The following UNCX variants were observed in gnomAD, a reference collection of about 807,000 sequenced individuals.
UNCX encodes the protein homeobox protein unc-4 homolog.
Under a neutral mutation model 14.8 loss-of-function variants are expected in UNCX, and 4 were observed. The ratio of observed to expected loss-of-function variants is 0.27; its 90% confidence interval spans 0.13 to 0.62. The LOEUF is 0.62. UNCX is among the 20% of genes least tolerant of loss of function. The pLI, the probability that UNCX is intolerant of heterozygous loss-of-function variation, is 0.86. For missense variants in UNCX, 749 were observed against 786.8 expected, an observed-to-expected ratio of 0.95 and a Z score of 0.58; for synonymous variants, 459 against 395.8, an observed-to-expected ratio of 1.16 and a Z score of -1.90.
In UNCX at chr7:1,236,706, G is replaced by A. The variant is rs1251290996; in HGVS notation, c.1325G>A (p.Arg442His). The A allele has an allele frequency of 1.0e-6, 1 of 998,144 alleles. No individual in the cohort carries two copies. Among genetic ancestry groups the A allele is most frequent in the East Asian group, 1.1e-4 (1 of 9,344 alleles). The allele number at this position is 998,144 out of a possible 1,614,324, so 61.8% of individuals were successfully genotyped here. A position where few individuals can be genotyped will look rare whatever the true frequency, so the allele number is the denominator to read the frequency against. ...GCCCCGGACTCGGCCTTCGCGCGTC[G>A]CAGCCCCGACGCCGTCGCCTCCCCG... Reference protein sequence around the residue: ...GGAPDSAFARRSPDAVASPGA... With the variant: ...GGAPDSAFARHSPDAVASPGA... Residue 442 changes from arginine to histidine, a missense_variant, in exon 3 of 3, where the codon CGC becomes CAC. Arg to His is a conservative substitution (Grantham distance 29). Coordinates refer to ENST00000316333, the MANE Select transcript of UNCX (RefSeq NM_001080461.3). This position sits in a 1 kb window ranked among gnomAD's most constrained non-coding sequence, Gnocchi z 6.9.
chr7:1,235,760 G>A (rs1457188331), intron 2 of UNCX, 72 bp from the exon 3 acceptor site: 1 of 1,410,824 alleles, frequency 7.1e-7, no homozygotes, highest in African/African-American at 1.4e-5. Flanking sequence ...GGGGGGAGCG[G>A]GGAGGTCCTC....
In UNCX at chr7:1,233,422, C is replaced by CCG. The variant is rs1554251746; in HGVS notation, c.275-97_275-96insGC. On this transcript the variant is annotated intron_variant, in intron 1 of 2. Coordinates refer to ENST00000316333, the MANE Select transcript of UNCX (RefSeq NM_001080461.3). The surrounding 1 kb of genome is among the most constrained non-coding windows in gnomAD (Gnocchi z 5.3). ...CTAGGCGGCCGTCTCTGCGCCCCCC[C>CCG]CCCCGGATCCAGGCGGCCAGCGGGT... 43 of 1,378,392 alleles carry CCG rather than the reference C, an allele frequency of 3.1e-5. 1 individual carries two copies. Among genetic ancestry groups the CCG allele is most frequent in the Middle Eastern group, 5.3e-4 (2 of 3,768 alleles). 85.4% of individuals were successfully genotyped at this position (1,378,392 alleles called of 1,614,324 possible).
chr7:1,234,075 GA>G (rs1243120964), intron 2 of UNCX, among the ~76,000 whole-genome samples: 1 of 144,020 alleles, frequency 6.9e-6, no homozygotes, highest in East Asian at 2.4e-4. Flanking sequence ...GAGGGAAGGG[GA>G]CCCCCCCCCG....
rs1778679028 is a variant in UNCX, at chr7:1,233,275, G to A, written c.258G>A (p.Gln86=). The change falls in exon 1 of 3, where the codon CAG becomes CAA. Residue 86 remains glutamine (Q), a synonymous_variant. Coordinates refer to ENST00000316333, the MANE Select transcript of UNCX (RefSeq NM_001080461.3). The surrounding 1 kb of genome is among the most constrained non-coding windows in gnomAD (Gnocchi z 5.3). The stretch of plus-strand genomic sequence containing the variant: ...CCTGCGGGGTCGGCGGGGACGGCCA[G>A]CCCTTCAAGCTGTCAGGTAGGCGCG... The part of the protein sequence containing the change: ...PAACGVGGDG[Q]PFKLSDSGDP... 1 of 1,330,730 alleles carries A rather than the reference G, an allele frequency of 7.5e-7. No homozygotes were observed. The highest frequency in any genetic ancestry group is 9.5e-7 in the Non-Finnish European group (1 of 1,047,664). The allele number at this position is 1,330,730 out of a possible 1,614,324, so 82.4% of individuals were successfully genotyped here. A position where few individuals can be genotyped will look rare whatever the true frequency, so the allele number is the denominator to read the frequency against.
Position 1,236,467 on chromosome 7 carries a change from G to A in UNCX, c.1086G>A (p.Ala362=). The change falls in exon 3 of 3, where the codon GCG becomes GCA. Residue 362 remains alanine (A), a synonymous_variant. Coordinates refer to ENST00000316333, the MANE Select transcript of UNCX (RefSeq NM_001080461.3). This position sits in a 1 kb window ranked among gnomAD's most constrained non-coding sequence, Gnocchi z 6.9. ...AAAAAAGLDF[A]PGLPCAPRTL... ...CCGCCGCCGCGGGGCTGGACTTCGC[G>A]CCCGGGCTGCCGTGCGCGCCGCGGA... 1.5e-6 allele frequency: 2 copies of A among 1,377,164 alleles called. No homozygotes were observed. The highest frequency in any genetic ancestry group is 9.4e-7 in the Non-Finnish European group (1 of 1,063,742). 85.3% of individuals were successfully genotyped at this position (1,377,164 alleles called of 1,614,324 possible).
At position 1,233,423 on chromosome 7, in the gene UNCX, C is replaced by G. The variant is rs952012855; in HGVS notation, c.275-97C>G. The G allele has an allele frequency of 2.9e-6, 4 of 1,380,938 alleles. No homozygotes were observed. Among genetic ancestry groups the G allele is most frequent in the African/African-American group, 1.5e-5 (1 of 64,966 alleles). The allele number at this position is 1,380,938 out of a possible 1,614,324, so 85.5% of individuals were successfully genotyped here. A position where few individuals can be genotyped will look rare whatever the true frequency, so the allele number is the denominator to read the frequency against. ...TAGGCGGCCGTCTCTGCGCCCCCCC[C>G]CCCGGATCCAGGCGGCCAGCGGGTA... is the stretch of plus-strand genomic sequence containing the variant. On this transcript the variant is annotated intron_variant, in intron 1 of 2. Coordinates refer to ENST00000316333, the MANE Select transcript of UNCX (RefSeq NM_001080461.3). The surrounding 1 kb of genome is among the most constrained non-coding windows in gnomAD (Gnocchi z 5.3).
Position 1,236,445 on chromosome 7 carries a change from C to T in UNCX, c.1064C>T (p.Ala355Val). 1 of 1,367,388 alleles carries T rather than the reference C, an allele frequency of 7.3e-7. No homozygotes were observed. The highest frequency in any genetic ancestry group is 9.4e-7 in the Non-Finnish European group (1 of 1,060,698). 84.7% of individuals were successfully genotyped at this position (1,367,388 alleles called of 1,614,324 possible). The change falls in exon 3 of 3, where the codon GCC becomes GTC. Residue 355 changes from alanine (A) to valine (V), a missense_variant. Physicochemically the swap from Ala to Val is moderately conservative, Grantham distance 64 (BLOSUM62 0). This residue lies in a region of UNCX where 552 missense variants were observed against 507.2 expected (regional missense o/e 1.09). Coordinates refer to ENST00000316333, the MANE Select transcript of UNCX (RefSeq NM_001080461.3). This position sits in a 1 kb window ranked among gnomAD's most constrained non-coding sequence, Gnocchi z 6.9. ...RKAASNAAAA[A>V]AAGLDFAPGL... ...GCCGCTTCCAACGCCGCCGCCGCCG[C>T]CGCCGCGGGGCTGGACTTCGCGCCC... is the stretch of plus-strand genomic sequence containing the variant.
In UNCX at chr7:1,233,225, A is replaced by C; in HGVS notation, c.208A>C (p.Asn70His). ...GSCAAAASVV[N>H]PTPLLPAACG... ...GTGCGCCGCCGCCGCCTCGGTGGTC[A>C]ACCCCACGCCGCTGCTGCCAGCCGC... Residue 70 changes from asparagine (N) to histidine (H), a missense_variant, in exon 1 of 3, where the codon AAC (asparagine) becomes CAC (histidine). By Grantham distance (68) the Asn-to-His change is moderately conservative (BLOSUM62 1). Around this residue, in one of 3 missense-constraint regions of UNCX, gnomAD observed 155 missense variants for 166.7 expected, o/e 0.93. Transcript: ENST00000316333. This position sits in a 1 kb window ranked among gnomAD's most constrained non-coding sequence, Gnocchi z 5.3. The C allele has an allele frequency of 1.4e-6, 2 of 1,424,740 alleles. No homozygotes were observed. The highest frequency in any genetic ancestry group is 9.2e-7 in the Non-Finnish European group (1 of 1,091,714). 88.3% of individuals were successfully genotyped at this position (1,424,740 alleles called of 1,614,324 possible).
chr7:1,235,311 T>C (rs553028945), intron 2 of UNCX, among the ~76,000 whole-genome samples: 44 of 152,208 alleles, frequency 2.9e-4, no homozygotes, highest in Middle Eastern at 3.2e-3. Context: ...CATATTTCCC[T>C]TCAAGGGATT....
intron 2 of UNCX, 129 bp from the exon 3 acceptor site, chr7:1,235,703 C>A: frequency 1.2e-6 from 1 of 813,238 alleles, no homozygotes; most frequent in Non-Finnish European, 1.9e-6. Context: ...CTCGGCCGCG[C>A]GGCTTCACTC....
In UNCX at chr7:1,236,398, C is replaced by T. The variant is rs1264167814; in HGVS notation, c.1017C>T (p.Ser339=). Reference sequence around the variant, plus strand: ...CATTCAGCGTGGAGAGCCTCCTGTCCGACTCGCCGCCGCGCCGGAAAGCCG... The same window carrying T: ...CATTCAGCGTGGAGAGCCTCCTGTCTGACTCGCCGCCGCGCCGGAAAGCCG... ...ASPFSVESLL[S]DSPPRRKAAS... is the part of the protein sequence containing the mutation. Residue 339 remains serine, a synonymous_variant, in exon 3 of 3, where the codon TCC becomes TCT. Coordinates refer to ENST00000316333, the MANE Select transcript of UNCX (RefSeq NM_001080461.3). The surrounding 1 kb of genome is among the most constrained non-coding windows in gnomAD (Gnocchi z 6.9). The T allele has an allele frequency of 1.5e-6, 2 of 1,371,170 alleles. No individual in the cohort carries two copies. Among genetic ancestry groups the T allele is most frequent in the Non-Finnish European group, 1.9e-6 (2 of 1,059,890 alleles). The allele number at this position is 1,371,170 out of a possible 1,614,324, so 84.9% of individuals were successfully genotyped here.
chr7:1,235,651 T>G (rs1013670920), intron 2 of UNCX, among the ~76,000 whole-genome samples, 181 bp from the exon 3 acceptor site: 39 of 152,338 alleles, frequency 2.6e-4, no homozygotes, highest in African/African-American at 9.4e-4. Context: ...AGGCGCTCGC[T>G]GGAACCTGCA....
Position 1,236,000 on chromosome 7 carries a change from C to A in UNCX, c.619C>A (p.His207Asn). 6.2e-7 allele frequency: 1 copy of A among 1,609,044 alleles called. No homozygotes were observed. Residue 207 changes from histidine (H) to asparagine (N), a missense_variant, in exon 3 of 3, where the codon CAC (histidine) becomes AAC (asparagine). His to Asn is a moderately conservative substitution (Grantham distance 68). Coordinates refer to ENST00000316333, the MANE Select transcript of UNCX (RefSeq NM_001080461.3). ...LEKMEKKKRK[H>N]EKKLLKSQGR... The stretch of plus-strand genomic sequence containing the variant: ...GAAGATGGAGAAGAAGAAGCGCAAG[C>A]ACGAGAAGAAGCTGCTGAAGAGCCA...
intron 2 of UNCX, among the ~76,000 whole-genome samples, chr7:1,235,424 G>A (rs907714859): frequency 3.9e-5 from 6 of 152,260 alleles, no homozygotes; most frequent in Non-Finnish European, 8.8e-5. Flanking sequence ...AGGATGGTCA[G>A]CGCCAGGCCG....
chr7:1,236,585 C>T lies in UNCX; in HGVS notation c.1204C>T (p.Leu402=). The part of the protein sequence containing the change: ...PQAALKGGAG[L]EPAPKDAPPA... The stretch of plus-strand genomic sequence containing the variant: ...GGCCGCGCTCAAGGGCGGCGCGGGC[C>T]TGGAGCCGGCGCCCAAGGACGCGCC... Residue 402 remains leucine, a synonymous_variant, in exon 3 of 3, where the codon CTG becomes TTG. Coordinates refer to ENST00000316333, the MANE Select transcript of UNCX (RefSeq NM_001080461.3). The surrounding 1 kb of genome is among the most constrained non-coding windows in gnomAD (Gnocchi z 6.9). The T allele has an allele frequency of 1.7e-6, 2 of 1,208,344 alleles. No individual in the cohort carries two copies. The highest frequency in any genetic ancestry group is 2.1e-6 in the Non-Finnish European group (2 of 969,662). 74.9% of individuals were successfully genotyped at this position (1,208,344 alleles called of 1,614,324 possible).
intron 2 of UNCX, among the ~76,000 whole-genome samples, chr7:1,235,421 T>C (rs569632344): frequency 6.6e-6 from 1 of 152,260 alleles, no homozygotes; most frequent in Admixed American, 6.5e-5. Flanking sequence ...GGCAGGATGG[T>C]CAGCGCCAGG....
Position 1,235,931 on chromosome 7 carries a change from G to T in UNCX, c.550G>T (p.Gly184Cys). ...CAACTCGCACCCGACCACGTGCAGCGGCGAGCCCATGGACCCGGAGGAGAT... is the reference window on the plus strand; with the variant it reads ...CAACTCGCACCCGACCACGTGCAGCTGCGAGCCCATGGACCCGGAGGAGAT... The part of the protein sequence containing the change: ...AHNSHPTTCS[G>C]EPMDPEEIAR... Residue 184 changes from glycine (G) to cysteine (C), a missense_variant, in exon 3 of 3, where the codon GGC (glycine) becomes TGC (cysteine). Physicochemically the swap from Gly to Cys is radical, Grantham distance 159 (BLOSUM62 -3). Around this residue, in one of 3 missense-constraint regions of UNCX, gnomAD observed 42 missense variants for 112.9 expected, o/e 0.37. Transcript: ENST00000316333. 6.2e-7 allele frequency: 1 copy of T among 1,612,650 alleles called. No homozygotes were observed. Among genetic ancestry groups the T allele is most frequent in the Non-Finnish European group, 8.5e-7 (1 of 1,179,700 alleles).
In UNCX at chr7:1,233,210, G is replaced by A. The variant is rs1169781745; in HGVS notation, c.193G>A (p.Ala65Thr). Reference sequence around the variant, plus strand: ...CCTGCTCGGGGGCTCGTGCGCCGCCGCCGCCTCGGTGGTCAACCCCACGCC... The same window carrying A: ...CCTGCTCGGGGGCTCGTGCGCCGCCACCGCCTCGGTGGTCAACCCCACGCC... ...DGLLGGSCAA[A>T]ASVVNPTPLL... The change falls in exon 1 of 3, where the codon GCC (alanine) becomes ACC (threonine). Residue 65 changes from alanine (A) to threonine (T), a missense_variant. By Grantham distance (58) the Ala-to-Thr change is moderately conservative (BLOSUM62 0). This residue lies in a region of UNCX where 155 missense variants were observed against 166.7 expected (regional missense o/e 0.93). Coordinates refer to ENST00000316333, the MANE Select transcript of UNCX (RefSeq NM_001080461.3). The surrounding 1 kb of genome is among the most constrained non-coding windows in gnomAD (Gnocchi z 5.3). 6 of 1,443,052 alleles carry A rather than the reference G, an allele frequency of 4.2e-6. No homozygotes were observed. Among genetic ancestry groups the A allele is most frequent in the Admixed American group, 2.6e-5 (1 of 39,064 alleles). 89.4% of individuals were successfully genotyped at this position (1,443,052 alleles called of 1,614,324 possible). A position where few individuals can be genotyped will look rare whatever the true frequency, so the allele number is the denominator to read the frequency against.
chr7:1,232,931 C>A lies in UNCX; in HGVS notation c.-87C>A. On this transcript the variant is annotated 5_prime_UTR_variant, in exon 1 of 3. Transcript: ENST00000316333. ...CTCCGGGTCCCTGTCTCCGCCGCCG[C>A]CGCCCGCGCCTCCCGCCGCTGGCCC... is the stretch of plus-strand genomic sequence containing the variant. 1.4e-6 allele frequency: 1 copy of A among 729,070 alleles called. No homozygotes were observed. Among genetic ancestry groups the A allele is most frequent in the Non-Finnish European group, 1.7e-6 (1 of 598,170 alleles). The allele number at this position is 729,070 out of a possible 1,614,324, so 45.2% of individuals were successfully genotyped here.
Sources: allele counts gnomAD v4.1 joint callset (sites outside exome capture counted in the v4.1 genomes callset), GRCh38; gene constraint gnomAD v4.1.1; regional missense constraint gnomAD v4.1.1; non-coding constraint Gnocchi (gnomAD v3.1); transcripts MANE v1.5; gene names NCBI Gene and HGNC (gene_info 2026-07-23, HGNC 2026-07-21).